The following GLG1 variants were observed in gnomAD, a reference collection of about 807,000 sequenced individuals.
The protein encoded by GLG1 is golgi glycoprotein 1, also known as Golgi apparatus protein 1.
GLG1 carries 38 observed loss-of-function variants against 160.5 expected under a neutral mutation model. The ratio of observed to expected loss-of-function variants is 0.24; its 90% CI spans 0.18 to 0.31. The LOEUF (loss-of-function observed/expected upper bound fraction) is 0.31. Ranked by LOEUF, GLG1 falls within the 10% of genes least tolerant of loss-of-function variation. The pLI is 1.00. For synonymous variants in GLG1, 644 were observed against 543.4 expected, an observed-to-expected ratio of 1.19 and a Z score of -2.57; for missense variants, 1,373 against 1,505.2, an observed-to-expected ratio of 0.91 and a Z score of 1.45.
intron 15 of GLG1, 56 bp from the exon 16 acceptor site, chr16:74,470,129 T>C (rs570766011): frequency 5.4e-5 from 55 of 1,025,030 alleles, no homozygotes; most frequent in Non-Finnish European, 5.5e-5. Context: ...TGGTCAGTAG[T>C]GGTAGGGCGC....
intron 17 of GLG1, chr16:74,468,468 T>C (rs568841928): frequency 7.4e-4 from 117 of 158,638 alleles, no homozygotes; most frequent in Admixed American, 1.3e-3. Context: ...ATTACAGACC[T>C]CAAGTGATTT....
intron 23 of GLG1, among the ~76,000 whole-genome samples, chr16:74,459,371 G>A (rs1457215379): frequency 1.3e-5 from 2 of 152,146 alleles, no homozygotes; most frequent in Non-Finnish European, 1.5e-5. Flanking sequence ...CCAGCTACTT[G>A]GGAGGCTGAG....
At chr16:74,467,997 C>A in intron 17 of GLG1, 149 bp from the exon 18 acceptor site, 1 of 579,092 alleles carries the variant, frequency 1.7e-6, no homozygotes, top group Non-Finnish European at 3.1e-6. Context: ...TCAGGCTTTA[C>A]TTTCAATTCT....
intron 1 of GLG1, among the ~76,000 whole-genome samples, chr16:74,555,067 T>C (rs1184545330): frequency 6.6e-6 from 1 of 152,170 alleles, no homozygotes; most frequent in African/African-American, 2.4e-5. Flanking sequence ...TATAAGACTT[T>C]GTGATAAAAC....
rs745898250 is a variant in GLG1 at position 74,574,916 on chromosome 16, CAG to C, written c.438+31739_438+31740del. On this transcript the variant is annotated intron_variant, in intron 1 of 25. Transcript: ENST00000422840. ...AAAAAAAAAAAAAAAAAAAAAAAGA[CAG>C]AGAGAGAGAGAGACAGGAGGAATCC... Among the ~76,000 whole-genome samples, 305 of 49,126 alleles carry C rather than the reference CAG, an allele frequency of 6.2e-3. 2 individuals are homozygous for C. Among genetic ancestry groups the C allele is most frequent in the Non-Finnish European group, 9.2e-3 (261 of 28,504 alleles). 32.2% of individuals were successfully genotyped at this position (49,126 alleles called of 152,430 possible).
chr16:74,454,666 C>CAAAA (rs58759187), intron 25 of GLG1, among the ~76,000 whole-genome samples: 4 of 38,534 alleles, frequency 1.0e-4, no homozygotes, highest in African/African-American at 3.8e-4. Flanking sequence ...AATCCGTCCC[C>CAAAA]AAAAAAAAAA....
At chr16:74,555,066 T>C (rs1471769973) in intron 1 of GLG1, among the ~76,000 whole-genome samples, 1 of 152,188 alleles carries the variant, frequency 6.6e-6, no homozygotes, top group African/African-American at 2.4e-5. Context: ...TTATAAGACT[T>C]TGTGATAAAA....
intron 2 of GLG1, among the ~76,000 whole-genome samples, chr16:74,514,773 C>T (rs1427513208): frequency 6.6e-6 from 1 of 152,150 alleles, no homozygotes; most frequent in Admixed American, 6.5e-5. Flanking sequence ...ATGACAGGAT[C>T]AAATTCACAC....
Position 74,452,059 on chromosome 16 carries a change from G to C in GLG1, c.*1108C>G, listed in dbSNP as rs558085495. 2.6e-5 allele frequency: 42 copies of C among 1,611,228 alleles called. No homozygotes were observed. The highest frequency in any genetic ancestry group is 3.5e-5 in the Non-Finnish European group (41 of 1,177,422). Reference sequence around the variant, plus strand: ...TTGTCTGGAGTGTGCAGAAAGGTCAGGCTGGACTGCCTGTCACATCCTGAG... The same window carrying C: ...TTGTCTGGAGTGTGCAGAAAGGTCACGCTGGACTGCCTGTCACATCCTGAG... On this transcript the variant is annotated 3_prime_UTR_variant, in exon 26 of 26. Transcript: ENST00000422840.
chr16:74,490,465 T>C (rs2015941923), intron 8 of GLG1, among the ~76,000 whole-genome samples: 1 of 152,224 alleles, frequency 6.6e-6, no homozygotes, highest in Admixed American at 6.5e-5. Flanking sequence ...CCCTAGTATA[T>C]GAAGAAAAGA....
chr16:74,498,868 C>CAAAAAA (rs57372225), intron 4 of GLG1, among the ~76,000 whole-genome samples: 11 of 75,748 alleles, frequency 1.5e-4, no homozygotes, highest in Non-Finnish European at 2.0e-4. Flanking sequence ...CCGTCTCAGG[C>CAAAAAA]AAAAAAAAAA....
intron 25 of GLG1, among the ~76,000 whole-genome samples, chr16:74,456,051 A>G (rs1376244945): frequency 1.3e-5 from 2 of 152,178 alleles, no homozygotes; most frequent in Non-Finnish European, 2.9e-5. Context: ...CTTCTTCTCC[A>G]TGTTCCAGAC....
Position 74,607,044 on chromosome 16 carries a change from C to A in GLG1, c.51G>T (p.Leu17=). ...VRRMFRLSAA[L]HLLLLFAAGA... ...CGGCCGCGAATAGCAGCAGCAGATG[C>A]AGCGCCGCCGACAAGCGGAACATCC... The change falls in exon 1 of 26, where the codon CTG becomes CTT. Residue 17 remains leucine (L), a synonymous_variant. Transcript: ENST00000422840. 6.3e-7 allele frequency: 1 copy of A among 1,592,178 alleles called. No individual in the cohort carries two copies. Among genetic ancestry groups the A allele is most frequent in the Non-Finnish European group, 8.5e-7 (1 of 1,172,122 alleles).
At position 74,537,625 on chromosome 16, in the gene GLG1, C is replaced by A. The variant is rs2017722728; in HGVS notation, c.439-5472G>T. Reference sequence around the variant, plus strand: ...GCTATCACCATCTCAAAAAGATCCACGAGACAAGAAAAAATTAAGAAATAC... The same window carrying A: ...GCTATCACCATCTCAAAAAGATCCAAGAGACAAGAAAAAATTAAGAAATAC... On this transcript the variant is annotated intron_variant, in intron 1 of 25. Coordinates refer to ENST00000422840, the MANE Select transcript of GLG1 (RefSeq NM_001145667.2). 1.4e-5 allele frequency among the ~76,000 whole-genome samples: 2 copies of A among 143,800 alleles called. 1 individual carries two copies. The highest frequency in any genetic ancestry group is 4.8e-4 in the South Asian group (2 of 4,174). The allele number at this position is 143,800 out of a possible 152,430, so 94.3% of individuals were successfully genotyped here. A position where few individuals can be genotyped will look rare whatever the true frequency, so the allele number is the denominator to read the frequency against.
chr16:74,470,648 A>T (rs1004920259), intron 15 of GLG1, among the ~76,000 whole-genome samples: 1 of 151,930 alleles, frequency 6.6e-6, no homozygotes, highest in Non-Finnish European at 1.5e-5. Context: ...GGGTTTCACC[A>T]TGTTAGCCAG....
rs1347861831 is a variant in GLG1 at position 74,477,453 on chromosome 16, C to T, written c.1908G>A (p.Gln636=). 3 of 1,612,830 alleles carry T rather than the reference C, an allele frequency of 1.9e-6. No individual in the cohort carries two copies. Among genetic ancestry groups the T allele is most frequent in the African/African-American group, 1.3e-5 (1 of 74,876 alleles). ...TTCCCAGATCAATCAGGCACTTATCCTGGAGGGCAGGATCCAGCTTGACAT... is the reference window on the plus strand; with the variant it reads ...TTCCCAGATCAATCAGGCACTTATCTTGGAGGGCAGGATCCAGCTTGACAT... The part of the protein sequence containing the change: ...AMDVKLDPAL[Q]DKCLIDLGKW... The change falls in exon 12 of 26, where the codon CAG becomes CAA. Residue 636 remains glutamine (Q), a synonymous_variant. Transcript: ENST00000422840.
At chr16:74,557,572 G>C (rs1028703616) in intron 1 of GLG1, among the ~76,000 whole-genome samples, 1 of 152,186 alleles carries the variant, frequency 6.6e-6, no homozygotes, top group Admixed American at 6.5e-5. Context: ...AGACGCAGAA[G>C]ATTTCAGGAA....
In GLG1 at chr16:74,450,001, T is replaced by C. The variant is rs997625786; in HGVS notation, c.*3166A>G. On this transcript the variant is annotated 3_prime_UTR_variant, in exon 26 of 26. Coordinates refer to ENST00000422840, the MANE Select transcript of GLG1 (RefSeq NM_001145667.2). ...GTTTGCCCAGACAGCTCACCTTCAG[T>C]ACCCCAGAGCCTCCAGCCTGGCAGT... 2.6e-5 allele frequency: 4 copies of C among 152,342 alleles called. No individual in the cohort carries two copies. Among genetic ancestry groups the C allele is most frequent in the African/African-American group, 9.6e-5 (4 of 41,462 alleles). The allele number at this position is 152,342 out of a possible 1,614,324, so 9.4% of individuals were successfully genotyped here. A position where few individuals can be genotyped will look rare whatever the true frequency, so the allele number is the denominator to read the frequency against.
At chr16:74,559,575 A>G (rs533674045) in intron 1 of GLG1, among the ~76,000 whole-genome samples, 3 of 152,264 alleles carry the variant, frequency 2.0e-5, no homozygotes, top group South Asian at 4.1e-4. Context: ...CTCCTCCTCA[A>G]ACCTCTCTCA....
Sources: gnomAD v4.1 joint callset for allele counts (sites outside exome capture counted in the v4.1 genomes callset) on GRCh38, gnomAD v4.1.1 for gene constraint, MANE v1.5 for transcripts, NCBI Gene and HGNC (gene_info 2026-07-23, HGNC 2026-07-21) for gene names.